CALCRL: variants seen among roughly 807,000 people sequenced by gnomAD.
CALCRL encodes calcitonin receptor like receptor, also known as calcitonin gene-related peptide type 1 receptor.
CALCRL carries 27 observed loss-of-function variants against 60.4 expected under a neutral mutation model. The observed-to-expected ratio is 0.45, with a 90% CI of 0.33 to 0.62. The LOEUF (loss-of-function observed/expected upper bound fraction) is 0.62. Among genes scored for constraint, CALCRL ranks in the 20% least tolerant of loss-of-function variants. The pLI is 0.03. For missense variants in CALCRL, 424 were observed against 540.7 expected, an observed-to-expected ratio of 0.78 and a Z score of 2.14; for synonymous variants, 190 against 182.6, an observed-to-expected ratio of 1.04 and a Z score of -0.33.
intron 1 of CALCRL, among the ~76,000 whole-genome samples, chr2:187,421,495 C>T (rs906510208): frequency 6.6e-6 from 1 of 152,202 alleles, no homozygotes; most frequent in Non-Finnish European, 1.5e-5. Context: ...TCTAACAGTC[C>T]GATTTAATTT....
intron 1 of CALCRL, among the ~76,000 whole-genome samples, chr2:187,419,587 A>G (rs901958366): frequency 6.6e-6 from 1 of 152,232 alleles, no homozygotes; most frequent in East Asian, 1.9e-4. Context: ...CCAAAGTGAA[A>G]GCTGGCAAAA....
At chr2:187,431,753 T>C (rs989729533) in intron 1 of CALCRL, among the ~76,000 whole-genome samples, 1 of 42,794 alleles carries the variant, frequency 2.3e-5, no homozygotes, top group African/African-American at 9.0e-5. Context: ...GAGCTTATAT[T>C]ATAAGGAGAA....
At chr2:187,364,867 G>T (rs1687209333) in intron 8 of CALCRL, among the ~76,000 whole-genome samples, 1 of 152,124 alleles carries the variant, frequency 6.6e-6, no homozygotes, top group Admixed American at 6.6e-5. Flanking sequence ...TGCTGAGTGT[G>T]TGTAAGACAT....
At chr2:187,440,756 T>C (rs1301294491) in intron 1 of CALCRL, among the ~76,000 whole-genome samples, 1 of 152,120 alleles carries the variant, frequency 6.6e-6, no homozygotes, top group Non-Finnish European at 1.5e-5. Context: ...TGGAATTTGG[T>C]TCATTAAATA....
In CALCRL at chr2:187,385,585, T is replaced by C; in HGVS notation, c.11A>G (p.Lys4Arg). 4 of 1,562,292 alleles carry C rather than the reference T, an allele frequency of 2.6e-6. No homozygotes were observed. The South Asian group carries it at 3.4e-5, about 13-fold the overall frequency. Residue 4 changes from lysine to arginine, a missense_variant, in exon 4 of 15, where the codon AAG (lysine) becomes AGG (arginine). Transcript: ENST00000392370. ...GAGAACCAGAAAATACAGGGTACAC[T>C]TTTTCTCCATCATTAAGCCAAAATG... is the stretch of plus-strand genomic sequence containing the variant. MEK[K>R]CTLYFLVLLP...
At chr2:187,397,535 A>AT (rs1175455810) in intron 1 of CALCRL, among the ~76,000 whole-genome samples, 12 of 151,598 alleles carry the variant, frequency 7.9e-5, no homozygotes, top group Admixed American at 7.3e-4. Flanking sequence ...ATTTTACTTT[A>AT]TTTTTTTGTT....
At position 187,344,324 on chromosome 2, in the gene CALCRL, A is replaced by G. The variant is rs1686197825; in HGVS notation, c.*1860T>C. 6.6e-6 allele frequency: 1 copy of G among 151,632 alleles called. No individual in the cohort carries two copies. Among genetic ancestry groups the G allele is most frequent in the Non-Finnish European group, 1.5e-5 (1 of 67,656 alleles). The allele number at this position is 151,632 out of a possible 1,614,324, so 9.4% of individuals were successfully genotyped here. ...TATGTTAATTCTTACGAATTTAGAT[A>G]ATTTGTCTTAGCAATTTGAAATAAG... is the stretch of plus-strand genomic sequence containing the variant. On this transcript the variant is annotated 3_prime_UTR_variant, in exon 15 of 15. Transcript: ENST00000392370.
intron 1 of CALCRL, among the ~76,000 whole-genome samples, chr2:187,411,102 TTC>T (rs1456382697): frequency 2.0e-5 from 3 of 152,142 alleles, no homozygotes; most frequent in Non-Finnish European, 4.4e-5. Context: ...TAAACAAATT[TTC>T]TCTTTTAAAT....
At chr2:187,420,457 T>C (rs540313082) in intron 1 of CALCRL, among the ~76,000 whole-genome samples, 29 of 152,232 alleles carry the variant, frequency 1.9e-4, no homozygotes, top group African/African-American at 6.5e-4. Context: ...TCTTTGATTT[T>C]TTTTTCAAAA....
intron 1 of CALCRL, among the ~76,000 whole-genome samples, chr2:187,444,507 T>C (rs1691078062): frequency 6.6e-6 from 1 of 151,568 alleles, no homozygotes. Flanking sequence ...AATACACTAT[T>C]TGGGCCATTT....
intron 6 of CALCRL, 21 bp downstream of exon 6, chr2:187,380,656 T>A: frequency 3.8e-6 from 6 of 1,593,054 alleles, no homozygotes; most frequent in Non-Finnish European, 5.2e-6. Context: ...AGGAGATATG[T>A]AGATACATTT....
rs188087944 is a variant in CALCRL, at chr2:187,374,807, G to A, written c.500+4133C>T. 2.8e-3 allele frequency among the ~76,000 whole-genome samples: 433 copies of A among 152,108 alleles called. 4 individuals carry two copies. Among genetic ancestry groups the A allele is most frequent in the Non-Finnish European group, 7.1e-4 (48 of 67,992 alleles). On this transcript the variant is annotated intron_variant, in intron 8 of 14. Coordinates refer to ENST00000392370, the MANE Select transcript of CALCRL (RefSeq NM_005795.6). ...GGCTCCTAAATGCCAGGTACTATAT[G>A]AGTCTACTTTGCGTAGTATTTTCAA...
intron 1 of CALCRL, among the ~76,000 whole-genome samples, chr2:187,401,192 T>C (rs1227137312): frequency 6.6e-6 from 1 of 151,524 alleles, no homozygotes; most frequent in African/African-American, 2.4e-5. Flanking sequence ...TTTAAAAAAG[T>C]AAATGCCAAA....
intron 14 of CALCRL, among the ~76,000 whole-genome samples, chr2:187,349,328 G>C (rs1686422537): frequency 6.6e-6 from 1 of 151,558 alleles, no homozygotes; most frequent in African/African-American, 2.4e-5. Context: ...TAGCTAAAAA[G>C]TGCATAAAAG....
At chr2:187,389,449 A>T (rs977326583) in intron 1 of CALCRL, among the ~76,000 whole-genome samples, 1 of 152,104 alleles carries the variant, frequency 6.6e-6, no homozygotes, top group African/African-American at 2.4e-5. Flanking sequence ...AATGTGGCAA[A>T]CTCAACCATT....
intron 1 of CALCRL, among the ~76,000 whole-genome samples, chr2:187,437,318 T>C (rs907683133): frequency 7.2e-6 from 1 of 138,544 alleles, no homozygotes; most frequent in Non-Finnish European, 1.6e-5. Context: ...CGAGGCAGGC[T>C]GATCACGAGA....
At chr2:187,418,983 A>T (rs1319623523) in intron 1 of CALCRL, among the ~76,000 whole-genome samples, 6 of 147,484 alleles carry the variant, frequency 4.1e-5, no homozygotes, top group African/African-American at 1.5e-4. Context: ...CAGCCTCCCA[A>T]GTAGGTGGGA....
chr2:187,366,249 CAAAA>C (rs59586461), intron 8 of CALCRL, among the ~76,000 whole-genome samples: 31 of 94,608 alleles, frequency 3.3e-4, no homozygotes, highest in African/African-American at 4.1e-4. Flanking sequence ...GACTCCGTCT[CAAAA>C]AAAAAAAAAA....
intron 1 of CALCRL, among the ~76,000 whole-genome samples, chr2:187,395,685 A>G (rs1688623580): frequency 6.6e-6 from 1 of 152,012 alleles, no homozygotes; most frequent in Non-Finnish European, 1.5e-5. Context: ...GAAGAACAGT[A>G]TTCTACTGCT....
Sources: gnomAD v4.1 joint callset for allele counts (sites outside exome capture counted in the v4.1 genomes callset) on GRCh38, gnomAD v4.1.1 for gene constraint, MANE v1.5 for transcripts, NCBI Gene and HGNC (gene_info 2026-07-23, HGNC 2026-07-21) for gene names.